Variants in LINGO2 observed in about 807,000 individuals in gnomAD.
LINGO2 encodes the protein leucine-rich repeat and immunoglobulin-like domain-containing nogo receptor-interacting protein 2.
Under a neutral mutation model 30.6 loss-of-function variants are expected in LINGO2, and 14 were observed. That is an observed-to-expected ratio of 0.46 (90% confidence interval 0.30 to 0.72). The LOEUF is 0.72. LINGO2 is among the 30% of genes least tolerant of loss of function. The pLI is 0.07. For missense variants in LINGO2, 729 were observed against 751.7 expected (o/e 0.97, Z 0.35); for synonymous variants, 317 against 288.5 (o/e 1.10, Z -1.00).
chr9:29,051,166 T>C, the LINGO2 span, among the ~76,000 whole-genome samples: 1 of 152,116 alleles, frequency 6.6e-6, no homozygotes, highest in Non-Finnish European at 1.5e-5. Context: ...AGCCCATAGT[T>C]TACACTAGGG....
the LINGO2 span, among the ~76,000 whole-genome samples, chr9:29,012,145 G>A: frequency 2.0e-5 from 3 of 152,048 alleles, no homozygotes; most frequent in Non-Finnish European, 2.9e-5. Flanking sequence ...ATCACCTGAG[G>A]TCACAAGTTC....
chr9:28,558,292 C>A (rs753762865), intron 1 of LINGO2, among the ~76,000 whole-genome samples: 2 of 151,728 alleles, frequency 1.3e-5, no homozygotes, highest in Admixed American at 1.3e-4. Flanking sequence ...AGACATATTC[C>A]CTACAGAAGA....
chr9:27,990,049 C>G (rs1022301704), intron 5 of LINGO2, among the ~76,000 whole-genome samples: 3 of 152,040 alleles, frequency 2.0e-5, no homozygotes, highest in African/African-American at 7.2e-5. Flanking sequence ...GCATACTAAG[C>G]AATCATTCCT....
At chr9:29,051,475 T>C in the LINGO2 span, among the ~76,000 whole-genome samples, 1 of 152,182 alleles carries the variant, frequency 6.6e-6, no homozygotes, top group African/African-American at 2.4e-5. Flanking sequence ...AGCAGTGAAT[T>C]AAATGTCTTT....
At chr9:28,012,900 A>C (rs1057032142) in intron 4 of LINGO2, among the ~76,000 whole-genome samples, 19 of 152,198 alleles carry the variant, frequency 1.2e-4, no homozygotes, top group African/African-American at 3.9e-4. Flanking sequence ...GTCTTTGGAC[A>C]GCAGCAGAAT....
chr9:28,660,210 C>T (rs768033348), intron 1 of LINGO2, among the ~76,000 whole-genome samples: 2 of 151,962 alleles, frequency 1.3e-5, no homozygotes, highest in Non-Finnish European at 2.9e-5. Flanking sequence ...GTTTATGCAT[C>T]ATAACTGTTC....
chr9:28,833,098 C>G, the LINGO2 span, among the ~76,000 whole-genome samples: 35 of 152,208 alleles, frequency 2.3e-4, no homozygotes, highest in African/African-American at 7.9e-4. Context: ...GGAACCAGAC[C>G]TCATCCTCCA....
At chr9:28,765,314 T>C in the LINGO2 span, among the ~76,000 whole-genome samples, 25 of 151,990 alleles carry the variant, frequency 1.6e-4, no homozygotes, top group Non-Finnish European at 3.2e-4. Context: ...GATAGTCCAA[T>C]AGGACAGACT....
At chr9:28,738,458 T>G in the LINGO2 span, among the ~76,000 whole-genome samples, 1 of 152,234 alleles carries the variant, frequency 6.6e-6, no homozygotes, top group Non-Finnish European at 1.5e-5. Context: ...ATACATAAAC[T>G]TTCCTCAAAA....
chr9:28,863,459 A>T, the LINGO2 span, among the ~76,000 whole-genome samples: 1 of 152,090 alleles, frequency 6.6e-6, no homozygotes, highest in African/African-American at 2.4e-5. Flanking sequence ...TGTGTTTGAC[A>T]CAGGTTTGAT....
At chr9:28,700,861 G>A in the LINGO2 span, among the ~76,000 whole-genome samples, 16 of 151,966 alleles carry the variant, frequency 1.1e-4, no homozygotes, top group Non-Finnish European at 1.6e-4. Context: ...GTATGTAGTG[G>A]TAACTCCTTG....
At chr9:28,134,320 G>T (rs1202168970) in intron 4 of LINGO2, among the ~76,000 whole-genome samples, 1 of 152,132 alleles carries the variant, frequency 6.6e-6, no homozygotes, top group Non-Finnish European at 1.5e-5. Flanking sequence ...CTTTTATATG[G>T]TTATTGTTTA....
At chr9:28,292,859 C>T (rs1019402167) in intron 4 of LINGO2, among the ~76,000 whole-genome samples, 1 of 151,936 alleles carries the variant, frequency 6.6e-6, no homozygotes, top group African/African-American at 2.4e-5. Flanking sequence ...CAAGCTCTGC[C>T]TCCCGGGTTC....
intron 4 of LINGO2, among the ~76,000 whole-genome samples, chr9:28,264,853 C>T (rs1822690501): frequency 6.6e-6 from 1 of 151,946 alleles, no homozygotes; most frequent in Non-Finnish European, 1.5e-5. Context: ...TTAACAACTA[C>T]TGTCCTTGAC....
the LINGO2 span, among the ~76,000 whole-genome samples, chr9:29,012,911 T>C: frequency 1.3e-5 from 2 of 152,218 alleles, no homozygotes; most frequent in African/African-American, 4.8e-5. Context: ...AAAGTTCTTT[T>C]CTATTAGTGA....
the LINGO2 span, among the ~76,000 whole-genome samples, chr9:29,010,988 G>T: frequency 6.6e-6 from 1 of 152,164 alleles, no homozygotes; most frequent in Admixed American, 6.6e-5. Flanking sequence ...GTGGCAATTA[G>T]CAAATTACTT....
At chr9:28,847,075 G>A in the LINGO2 span, among the ~76,000 whole-genome samples, 10 of 145,588 alleles carry the variant, frequency 6.9e-5, 1 homozygote, top group African/African-American at 2.7e-4. Flanking sequence ...AAGCTACATG[G>A]CTAAAGTGAA....
the LINGO2 span, among the ~76,000 whole-genome samples, chr9:29,171,896 C>A: frequency 2.6e-5 from 4 of 151,896 alleles, no homozygotes; most frequent in African/African-American, 9.6e-5. Flanking sequence ...ATTCAAAATA[C>A]ATTGTGAGAA....
At chr9:27,998,460 T>G (rs1297950643) in intron 5 of LINGO2, among the ~76,000 whole-genome samples, 2 of 152,092 alleles carry the variant, frequency 1.3e-5, no homozygotes, top group African/African-American at 2.4e-5. Flanking sequence ...GATTCCAGTC[T>G]CAGCCACCAT....
Sources: allele counts gnomAD v4.1 joint callset (sites outside exome capture counted in the v4.1 genomes callset), GRCh38; gene constraint gnomAD v4.1.1; transcripts MANE v1.5; gene names NCBI Gene and HGNC (gene_info 2026-07-23, HGNC 2026-07-21).